The following CNTN1 variants were observed in gnomAD, a reference collection of about 807,000 sequenced individuals.
The protein encoded by CNTN1 is contactin 1.
A neutral mutation model predicts 126.4 loss-of-function variants in CNTN1; 38 were observed. The observed-to-expected ratio is 0.30, with a 90% CI of 0.23 to 0.39. The LOEUF (loss-of-function observed/expected upper bound fraction) is 0.39. Ranked by LOEUF, CNTN1 falls within the 10% of genes least tolerant of loss-of-function variation. CNTN1 has a pLI of 1.00. For missense variants in CNTN1, 1,009 were observed against 1,248.4 expected, an observed-to-expected ratio of 0.81 and a Z score of 2.89; for synonymous variants, 413 against 422.6, an observed-to-expected ratio of 0.98 and a Z score of 0.28.
intron 1 of CNTN1, among the ~76,000 whole-genome samples, chr12:40,787,909 T>C (rs1940087747): frequency 1.3e-5 from 2 of 152,172 alleles, no homozygotes; most frequent in African/African-American, 2.4e-5. Flanking sequence ...GCATCTCTTA[T>C]GTAGAGGATA....
chr12:40,702,469 C>T (rs918330429), intron 1 of CNTN1, among the ~76,000 whole-genome samples: 4 of 151,990 alleles, frequency 2.6e-5, no homozygotes, highest in Admixed American at 6.6e-5. Flanking sequence ...TTTGAGACAG[C>T]GTTTCGCTCT....
At chr12:40,991,135 G>A (rs1365334433) in intron 16 of CNTN1, among the ~76,000 whole-genome samples, 1 of 152,176 alleles carries the variant, frequency 6.6e-6, no homozygotes, top group East Asian at 1.9e-4. Flanking sequence ...TGGCAGGGCT[G>A]CATCCTCTCC....
chr12:40,832,885 A>G (rs908620820), intron 1 of CNTN1, among the ~76,000 whole-genome samples: 3 of 152,038 alleles, frequency 2.0e-5, no homozygotes, highest in African/African-American at 7.2e-5. Flanking sequence ...CAAGTGACAA[A>G]TGAAATTTTT....
rs73275629 is a variant in CNTN1 at position 40,890,935 on chromosome 12, G to C, written c.-76-17422G>C. On this transcript the variant is annotated intron_variant, in intron 1 of 23. Coordinates refer to ENST00000551295, the MANE Select transcript of CNTN1 (RefSeq NM_001843.4). ...AGAAACTGCCAAACTGTCTTCCCAA[G>C]TGGCTGAACCATTTTGCATTTCTAC... 6.3e-3 allele frequency among the ~76,000 whole-genome samples: 966 copies of C among 152,292 alleles called. 8 individuals carry two copies. The highest frequency in any genetic ancestry group is 0.022 in the African/African-American group (925 of 41,554).
At chr12:40,705,273 T>G (rs1266916241) in intron 1 of CNTN1, among the ~76,000 whole-genome samples, 1 of 152,202 alleles carries the variant, frequency 6.6e-6, no homozygotes, top group Non-Finnish European at 1.5e-5. Flanking sequence ...CCAGAGAATA[T>G]TTTCCTTCCC....
At chr12:40,773,633 GTATA>G (rs371522549) in intron 1 of CNTN1, among the ~76,000 whole-genome samples, 8 of 46,652 alleles carry the variant, frequency 1.7e-4, no homozygotes, top group African/African-American at 2.7e-4. Flanking sequence ...ACCAGAAACT[GTATA>G]TATATATATA....
chr12:40,783,793 C>G (rs1939896885), intron 1 of CNTN1, among the ~76,000 whole-genome samples: 1 of 152,084 alleles, frequency 6.6e-6, no homozygotes, highest in African/African-American at 2.4e-5. Flanking sequence ...TGAGAGATGT[C>G]ATTCATTAAT....
At chr12:40,818,179 A>G (rs58649501) in intron 1 of CNTN1, among the ~76,000 whole-genome samples, 3,450 of 152,048 alleles carry the variant, frequency 0.023, 125 homozygotes, top group African/African-American at 0.077. Flanking sequence ...TCTTAATGGC[A>G]TTCTCTGTAT....
chr12:40,731,780 A>T (rs11178111), intron 1 of CNTN1, among the ~76,000 whole-genome samples: 23,138 of 151,878 alleles, frequency 0.15, 2,451 homozygotes, highest in East Asian at 0.48. Context: ...ATCAACAAAA[A>T]CAGTGAATTC....
At chr12:40,943,434 A>G (rs1251754310) in intron 12 of CNTN1, among the ~76,000 whole-genome samples, 163 bp from the exon 13 acceptor site, 2 of 152,162 alleles carry the variant, frequency 1.3e-5, no homozygotes, top group African/African-American at 2.4e-5. Flanking sequence ...GAGAAAAAAT[A>G]TTATAACTAA....
intron 1 of CNTN1, among the ~76,000 whole-genome samples, chr12:40,905,626 A>C (rs565128121): frequency 5.7e-4 from 86 of 151,482 alleles, no homozygotes; most frequent in Middle Eastern, 3.4e-3. Context: ...AATAATAATA[A>C]AATTAAAAAT....
chr12:40,750,163 A>G (rs186775211), intron 1 of CNTN1, among the ~76,000 whole-genome samples: 9 of 152,238 alleles, frequency 5.9e-5, no homozygotes, highest in Admixed American at 5.9e-4. Context: ...AAAATGGGAC[A>G]GTAACTGGAT....
At chr12:40,818,126 T>G (rs577543948) in intron 1 of CNTN1, among the ~76,000 whole-genome samples, 2 of 152,276 alleles carry the variant, frequency 1.3e-5, no homozygotes, top group South Asian at 4.2e-4. Flanking sequence ...TTGGAGAATC[T>G]GATGATTATG....
At chr12:40,895,028 T>C (rs1944360174) in intron 1 of CNTN1, among the ~76,000 whole-genome samples, 1 of 152,212 alleles carries the variant, frequency 6.6e-6, no homozygotes, top group South Asian at 2.1e-4. Context: ...GGCCTCAAGG[T>C]AATTCCAGAA....
chr12:40,971,502 C>G lies in CNTN1; in HGVS notation c.1805-9407C>G, dbSNP rs776541966. The stretch of plus-strand genomic sequence containing the variant: ...TCTCCCCGTCTGTGCAAGCCTGCCT[C>G]CAACCTGGTGATCGTTGACACTCAC... On this transcript the variant is annotated intron_variant, in intron 15 of 23. Transcript: ENST00000551295. 1.9e-6 allele frequency: 3 copies of G among 1,596,558 alleles called. No homozygotes were observed. The South Asian group carries it at 3.3e-5, about 18-fold the overall frequency.
At chr12:40,774,943 TA>T (rs796306788) in intron 1 of CNTN1, among the ~76,000 whole-genome samples, 14 of 151,764 alleles carry the variant, frequency 9.2e-5, no homozygotes, top group African/African-American at 3.1e-4. Flanking sequence ...ATGTAATGAT[TA>T]AATAAGGATA....
intron 23 of CNTN1, chr12:41,061,717 G>A (rs1189893191): frequency 6.7e-6 from 3 of 447,626 alleles, no homozygotes; most frequent in Non-Finnish European, 1.3e-5. Flanking sequence ...CAGGGCTGTA[G>A]TAGGAACCTT....
chr12:40,794,178 T>C (rs1940323876), intron 1 of CNTN1, among the ~76,000 whole-genome samples: 1 of 152,090 alleles, frequency 6.6e-6, no homozygotes, highest in Non-Finnish European at 1.5e-5. Flanking sequence ...GCATGAATAT[T>C]TTTTAGTTAT....
chr12:41,057,180 A>AATATTTAGATATTTATATTATT (rs1566236289), intron 23 of CNTN1, among the ~76,000 whole-genome samples: 2 of 130,004 alleles, frequency 1.5e-5, no homozygotes, highest in African/African-American at 3.2e-5. Flanking sequence ...TTATATTATA[A>AATATTTAGATATTTATATTATT]ATATTTAGAT....
Sources: allele counts gnomAD v4.1 joint callset (sites outside exome capture counted in the v4.1 genomes callset), GRCh38; gene constraint gnomAD v4.1.1; transcripts MANE v1.5; gene names NCBI Gene and HGNC (gene_info 2026-07-23, HGNC 2026-07-21).